LARGE1: variants seen among roughly 807,000 people sequenced by gnomAD.
The protein encoded by LARGE1 is LARGE xylosyl- and glucuronyltransferase 1.
LARGE1 carries 43 observed loss-of-function variants against 87.6 expected under a neutral mutation model. That is an observed-to-expected ratio of 0.49 (90% CI 0.38 to 0.63). The LOEUF (loss-of-function observed/expected upper bound fraction) is 0.63, where lower values mean the gene tolerates loss of function less well. Ranked by LOEUF, LARGE1 falls within the 30% of genes least tolerant of loss-of-function variation. The pLI, the probability that LARGE1 is intolerant of heterozygous loss-of-function variation, is 0.00. For missense variants in LARGE1, 802 were observed against 1,000.2 expected, an observed-to-expected ratio of 0.80 and a Z score of 2.67; for synonymous variants, 434 against 394.6, an observed-to-expected ratio of 1.10 and a Z score of -1.18.
In LARGE1 at chr22:33,245,916, AAAAC is replaced by A. The variant is rs561372038; in HGVS notation, c.1730+58309_1730+58312del. 8.5e-5 allele frequency among the ~76,000 whole-genome samples: 13 copies of A among 152,322 alleles called. No individual in the cohort carries two copies. The South Asian group carries it at 1.2e-3, about 15-fold the overall frequency. On this transcript the variant is annotated intron_variant, in intron 11 of 11. Coordinates refer to the LARGE1 transcript ENST00000608642. ...AGAACGAGACTCCATCTCAAAAACA[AAAAC>A]AAACAAACAAACAGAATTCATCCAA...
chr22:33,376,990 G>C (rs1474246912), intron 9 of LARGE1, among the ~76,000 whole-genome samples: 1 of 152,186 alleles, frequency 6.6e-6, no homozygotes. Context: ...CGTGAAACAA[G>C]ACCAGAAACC....
At chr22:33,525,820 C>G (rs188333781) in intron 6 of LARGE1, among the ~76,000 whole-genome samples, 8 of 152,300 alleles carry the variant, frequency 5.3e-5, no homozygotes, top group Non-Finnish European at 1.0e-4. Flanking sequence ...ATATGAACAG[C>G]TACTTGTAAA....
chr22:33,877,985 G>GT (rs2064521907), intron 1 of LARGE1, among the ~76,000 whole-genome samples: 1 of 151,162 alleles, frequency 6.6e-6, no homozygotes, highest in South Asian at 2.1e-4. Flanking sequence ...AATAAAGAAT[G>GT]TAACATTTGA....
chr22:33,782,008 G>C (rs1003660161), intron 1 of LARGE1, among the ~76,000 whole-genome samples: 1 of 152,068 alleles, frequency 6.6e-6, no homozygotes, highest in African/African-American at 2.4e-5. Context: ...AAGAGAGCTT[G>C]GGGAGGAGGT....
intron 5 of LARGE1, among the ~76,000 whole-genome samples, chr22:33,569,180 G>C (rs2078119918): frequency 1.3e-5 from 2 of 152,192 alleles, no homozygotes; most frequent in Non-Finnish European, 1.5e-5. Context: ...GCAATCATTA[G>C]TCCATGCTGC....
At chr22:33,178,213 A>G (rs1033000580) in intron 11 of LARGE1, among the ~76,000 whole-genome samples, 2 of 152,204 alleles carry the variant, frequency 1.3e-5, no homozygotes, top group Non-Finnish European at 2.9e-5. Flanking sequence ...TCCAAAAGAT[A>G]TTGAGCAGTG....
At chr22:33,469,429 G>A (rs1356651148) in intron 6 of LARGE1, among the ~76,000 whole-genome samples, 1 of 143,032 alleles carries the variant, frequency 7.0e-6, no homozygotes, top group Admixed American at 6.7e-5. Flanking sequence ...ACTAACGCAG[G>A]AACACAAAAT....
chr22:33,919,806 G>C (rs576978602), intron 1 of LARGE1, among the ~76,000 whole-genome samples, 189 bp downstream of exon 1: 2 of 152,312 alleles, frequency 1.3e-5, no homozygotes, highest in Admixed American at 1.3e-4. Flanking sequence ...GGGGGTCCTG[G>C]GGACTTCGGA....
At chr22:33,579,164 T>C (rs2078439347) in intron 5 of LARGE1, among the ~76,000 whole-genome samples, 1 of 152,098 alleles carries the variant, frequency 6.6e-6, no homozygotes, top group South Asian at 2.1e-4. Flanking sequence ...AGGGACCTGG[T>C]GGGAGGTAAT....
At chr22:33,585,995 G>A (rs557093238) in intron 5 of LARGE1, among the ~76,000 whole-genome samples, 15 of 152,180 alleles carry the variant, frequency 9.9e-5, no homozygotes, top group African/African-American at 3.1e-4. Context: ...CACTGCACCC[G>A]GCCCACTCTC....
intron 1 of LARGE1, among the ~76,000 whole-genome samples, chr22:33,774,351 T>TTTTC (rs900382640): frequency 3.9e-5 from 6 of 152,104 alleles, no homozygotes; most frequent in African/African-American, 7.2e-5. Flanking sequence ...TAATCTTTTT[T>TTTTC]TTTCTTTCTT....
intron 11 of LARGE1, among the ~76,000 whole-genome samples, chr22:33,176,081 T>C (rs893646863): frequency 1.1e-4 from 17 of 152,172 alleles, no homozygotes; most frequent in African/African-American, 2.9e-4. Flanking sequence ...TAAATGATGC[T>C]GGGAAAACTG....
At chr22:33,162,700 C>A (rs570568300) in exon 12 of LARGE1, 2 of 152,246 alleles carry the variant, frequency 1.3e-5, no homozygotes, top group South Asian at 4.2e-4. Context: ...TAAATTGGCA[C>A]ATGAAGCCTT....
intron 12 of LARGE1, among the ~76,000 whole-genome samples, chr22:33,283,585 G>A (rs1930907238): frequency 6.6e-6 from 1 of 152,140 alleles, no homozygotes; most frequent in South Asian, 2.1e-4. Flanking sequence ...GACCAGCCTG[G>A]CCAACAAGGT....
At chr22:33,741,790 A>G (rs1015414853) in intron 2 of LARGE1, among the ~76,000 whole-genome samples, 3 of 152,200 alleles carry the variant, frequency 2.0e-5, no homozygotes, top group African/African-American at 7.2e-5. Context: ...TCCTGCAATC[A>G]CCTTGCAAGA....
chr22:33,521,189 G>A (rs2071569722), intron 6 of LARGE1, among the ~76,000 whole-genome samples: 1 of 152,234 alleles, frequency 6.6e-6, no homozygotes, highest in Admixed American at 6.5e-5. Flanking sequence ...TCTCCAAGAA[G>A]TAGCACACTG....
At chr22:33,906,762 G>A (rs2065468782) in intron 1 of LARGE1, among the ~76,000 whole-genome samples, 1 of 152,080 alleles carries the variant, frequency 6.6e-6, no homozygotes, top group African/African-American at 2.4e-5. Context: ...AATTTTCTGA[G>A]ATCTCTGGAC....
intron 2 of LARGE1, among the ~76,000 whole-genome samples, chr22:33,683,245 G>A (rs2081836622): frequency 6.6e-6 from 1 of 152,114 alleles, no homozygotes; most frequent in Non-Finnish European, 1.5e-5. Context: ...AACGGGGAGG[G>A]GCTTCATCCA....
At chr22:33,283,024 G>A (rs562073749) in intron 13 of LARGE1, among the ~76,000 whole-genome samples, 178 bp downstream of exon 13, 2 of 152,166 alleles carry the variant, frequency 1.3e-5, no homozygotes, top group Non-Finnish European at 2.9e-5. Context: ...GGCACGTACC[G>A]GCATGGGGAG....
Sources: allele counts gnomAD v4.1 joint callset (sites outside exome capture counted in the v4.1 genomes callset), GRCh38; gene constraint gnomAD v4.1.1; transcripts MANE v1.5; gene names NCBI Gene and HGNC (gene_info 2026-07-23, HGNC 2026-07-21).